NSRP1: variants seen among roughly 807,000 people sequenced by gnomAD.
The protein encoded by NSRP1 is nuclear speckle splicing regulatory protein 1, also known as coiled-coil domain containing 55.
In NSRP1, 24 loss-of-function variants were observed where a neutral mutation model predicts 54.7. The ratio of observed to expected loss-of-function variants is 0.44; its 90% confidence interval spans 0.32 to 0.62. The LOEUF (loss-of-function observed/expected upper bound fraction) is 0.62. Ranked by LOEUF, NSRP1 falls within the 20% of genes least tolerant of loss-of-function variation. The probability of loss-of-function intolerance (pLI) is 0.06; values close to 1 mark genes in which losing one functional copy is unlikely to be tolerated. For synonymous variants in NSRP1, 210 were observed against 213.8 expected, an observed-to-expected ratio of 0.98 and a Z score of 0.15; for missense variants, 596 against 651.2, an observed-to-expected ratio of 0.92 and a Z score of 0.92.
chr17:30,116,969 T>G (rs2151868561), intron 1 of NSRP1, 106 bp downstream of exon 1: 1 of 1,379,010 alleles, frequency 7.3e-7, no homozygotes, highest in South Asian at 1.2e-5. Flanking sequence ...GACTGTGTCG[T>G]CAAGGGTAGA....
intron 2 of NSRP1, among the ~76,000 whole-genome samples, chr17:30,166,974 A>T (rs1466630376): frequency 6.6e-6 from 1 of 152,060 alleles, no homozygotes; most frequent in East Asian, 1.9e-4. Context: ...AACACTGAAT[A>T]TATTCCTTCT....
At position 30,175,046 on chromosome 17, in the gene NSRP1, T is replaced by G. The variant is rs1185795461; in HGVS notation, c.171+2448T>G. ...TAATATGATACTATATACATTTTGT[T>G]TGTTTCTACTTCATTTTCTGTCCTG... On this transcript the variant is annotated intron_variant, in intron 3 of 6. Coordinates refer to ENST00000247026, the MANE Select transcript of NSRP1 (RefSeq NM_032141.4). 3.3e-5 allele frequency among the ~76,000 whole-genome samples: 5 copies of G among 152,194 alleles called. No homozygotes were observed. In the East Asian group the frequency reaches 9.6e-4, roughly 29 times the overall value.
At chr17:30,120,039 C>T (rs543462453) in intron 2 of NSRP1, among the ~76,000 whole-genome samples, 2 of 152,112 alleles carry the variant, frequency 1.3e-5, no homozygotes, top group Non-Finnish European at 2.9e-5. Flanking sequence ...TCCATACCCT[C>T]CTGCAGTCAG....
In NSRP1 at chr17:30,142,432, C is replaced by T. The variant is rs183493192; in HGVS notation, c.114+24259C>T. Among the ~76,000 whole-genome samples, 569 of 151,838 alleles carry T rather than the reference C, an allele frequency of 3.7e-3. 5 individuals carry two copies. Among genetic ancestry groups the T allele is most frequent in the Middle Eastern group, 6.8e-3 (2 of 294 alleles). ...CCTCGAACTCCTGGGCTCAAGTAAT[C>T]CTCCCATCTCAGTCTCCAGAGTAGT... is the stretch of plus-strand genomic sequence containing the variant. On this transcript the variant is annotated intron_variant, in intron 2 of 6. Coordinates refer to ENST00000247026, the MANE Select transcript of NSRP1 (RefSeq NM_032141.4).
intron 2 of NSRP1, among the ~76,000 whole-genome samples, chr17:30,143,578 G>C (rs1220658139): frequency 6.6e-6 from 1 of 151,866 alleles, no homozygotes; most frequent in Non-Finnish European, 1.5e-5. Context: ...TAAGACCTTT[G>C]ACTGTTCATT....
intron 2 of NSRP1, among the ~76,000 whole-genome samples, chr17:30,141,987 G>A (rs1489138085): frequency 6.6e-6 from 1 of 152,162 alleles, no homozygotes; most frequent in African/African-American, 2.4e-5. Context: ...CTGGGCAACA[G>A]AGTGAGACTG....
chr17:30,132,328 G>A (rs1188183466), intron 2 of NSRP1, among the ~76,000 whole-genome samples: 16 of 150,214 alleles, frequency 1.1e-4, no homozygotes, highest in African/African-American at 2.4e-4. Context: ...TGAAGTAGGC[G>A]AATCACCTGA....
Position 30,116,822 on chromosome 17 carries a change from G to C in NSRP1, c.-22G>C, listed in dbSNP as rs2071536383. 1 of 1,570,058 alleles carries C rather than the reference G, an allele frequency of 6.4e-7. No homozygotes were observed. Among genetic ancestry groups the C allele is most frequent in the African/African-American group, 1.4e-5 (1 of 74,002 alleles). ...TCAGCGTCACGGAGGCGTCGGCCAC[G>C]TTCAGCGGACACGGGAGCAAGATGG... On this transcript the variant is annotated 5_prime_UTR_variant, in exon 1 of 7. Transcript: ENST00000247026.
At chr17:30,180,436 G>A (rs189852628) in intron 5 of NSRP1, among the ~76,000 whole-genome samples, 12 of 152,320 alleles carry the variant, frequency 7.9e-5, no homozygotes, top group South Asian at 4.1e-4. Flanking sequence ...GATTACAGGC[G>A]TGAGCCACTG....
chr17:30,155,666 C>T (rs1051438258), intron 2 of NSRP1, among the ~76,000 whole-genome samples: 7 of 152,084 alleles, frequency 4.6e-5, no homozygotes, highest in African/African-American at 1.7e-4. Context: ...GCCTCAGCCT[C>T]CTGGCTGTAG....
intron 1 of NSRP1, 131 bp downstream of exon 1, chr17:30,116,994 A>G (rs1365276816): frequency 8.6e-7 from 1 of 1,163,612 alleles, no homozygotes; most frequent in Non-Finnish European, 1.3e-6. Flanking sequence ...GGAAAAAACG[A>G]GAAGTCCTGA....
chr17:30,133,109 A>ATTTTT (rs558445432), intron 2 of NSRP1, among the ~76,000 whole-genome samples: 1 of 110,934 alleles, frequency 9.0e-6, no homozygotes, highest in Non-Finnish European at 1.8e-5. Context: ...ACACCCAGCT[A>ATTTTT]TTTTTTTTTT....
At chr17:30,158,548 C>T (rs773988840) in intron 2 of NSRP1, among the ~76,000 whole-genome samples, 1 of 152,046 alleles carries the variant, frequency 6.6e-6, no homozygotes, top group Non-Finnish European at 1.5e-5. Flanking sequence ...CAACCAGTGT[C>T]CCTGGAGCAT....
intron 2 of NSRP1, among the ~76,000 whole-genome samples, chr17:30,142,262 T>A (rs530771066): frequency 4.8e-4 from 73 of 152,364 alleles, no homozygotes; most frequent in Middle Eastern, 3.4e-3. Context: ...AAGGTTTTTT[T>A]AAATGTATTT....
chr17:30,119,317 T>C (rs1026725402), intron 2 of NSRP1, among the ~76,000 whole-genome samples: 6 of 152,188 alleles, frequency 3.9e-5, no homozygotes, highest in Admixed American at 3.3e-4. Context: ...ATTTAGTAGA[T>C]TTTCCTGCCT....
chr17:30,117,009 C>A, intron 1 of NSRP1, 146 bp downstream of exon 1: 2 of 1,013,172 alleles, frequency 2.0e-6, no homozygotes, highest in Non-Finnish European at 3.1e-6. Context: ...TCCTGAGGAA[C>A]ATAGATTCCC....
intron 3 of NSRP1, 95 bp from the exon 4 acceptor site, chr17:30,177,976 T>C (rs765852736): frequency 7.5e-6 from 10 of 1,338,512 alleles, no homozygotes; most frequent in Non-Finnish European, 8.5e-6. Context: ...TTTTATGATA[T>C]ATTTTCAATT....
At chr17:30,141,817 A>G (rs2071808110) in intron 2 of NSRP1, among the ~76,000 whole-genome samples, 1 of 152,158 alleles carries the variant, frequency 6.6e-6, no homozygotes, top group South Asian at 2.1e-4. Flanking sequence ...AGCCCGGGCA[A>G]TGTGGTGAAA....
At chr17:30,167,358 C>T (rs1169566716) in intron 2 of NSRP1, among the ~76,000 whole-genome samples, 1 of 152,120 alleles carries the variant, frequency 6.6e-6, no homozygotes, top group African/African-American at 2.4e-5. Flanking sequence ...CATCTGTAAT[C>T]CCAGCACTTT....
Sources: allele counts gnomAD v4.1 joint callset (sites outside exome capture counted in the v4.1 genomes callset), GRCh38; gene constraint gnomAD v4.1.1; transcripts MANE v1.5; gene names NCBI Gene and HGNC (gene_info 2026-07-23, HGNC 2026-07-21).